PIK3C2B: variants seen among roughly 807,000 people sequenced by gnomAD.
The protein encoded by PIK3C2B is phosphatidylinositol 4-phosphate 3-kinase C2 domain-containing subunit beta.
A neutral mutation model predicts 184.3 loss-of-function variants in PIK3C2B; 83 were observed. The observed-to-expected ratio is 0.45, with a 90% CI of 0.38 to 0.54. PIK3C2B has a LOEUF of 0.54. PIK3C2B is among the 20% of genes least tolerant of loss of function. The probability of loss-of-function intolerance (pLI) is 0.00; values close to 1 mark genes in which losing one functional copy is unlikely to be tolerated. For missense variants in PIK3C2B, 1,736 were observed against 2,113.5 expected, an observed-to-expected ratio of 0.82 and a Z score of 3.50; for synonymous variants, 779 against 837.6, an observed-to-expected ratio of 0.93 and a Z score of 1.21.
Position 204,459,751 on chromosome 1 carries a change from G to A in PIK3C2B, c.1566+127C>T, listed in dbSNP as rs182517443. 138 of 772,930 alleles carry A rather than the reference G, an allele frequency of 1.8e-4. No individual in the cohort carries two copies. In the East Asian group the frequency reaches 1.8e-3, roughly 10 times the overall value. 47.9% of individuals were successfully genotyped at this position (772,930 alleles called of 1,614,324 possible). A position where few individuals can be genotyped will look rare whatever the true frequency, so the allele number is the denominator to read the frequency against. On this transcript the variant is annotated intron_variant, in intron 8 of 32. Coordinates refer to ENST00000684373, the MANE Select transcript of PIK3C2B (RefSeq NM_001377334.1). Reference sequence around the variant, plus strand: ...CCCATGAGCGAGGGGTTAAAAAGAAGTGCTCTGCCAACAGATTTTCAGGCT... The same window carrying A: ...CCCATGAGCGAGGGGTTAAAAAGAAATGCTCTGCCAACAGATTTTCAGGCT...
chr1:204,465,339 G>A lies in PIK3C2B; in HGVS notation c.934-20C>T, dbSNP rs759943166. 9 of 1,512,802 alleles carry A rather than the reference G, an allele frequency of 5.9e-6. No individual in the cohort carries two copies. The highest frequency in any genetic ancestry group is 2.7e-5 in the African/African-American group (2 of 72,924). The allele number at this position is 1,512,802 out of a possible 1,614,324, so 93.7% of individuals were successfully genotyped here. ...GCCCACCTTTAAGAGAAGAGCAGAC[G>A]ACTCAGTGCCTTTTTCCTCGTGGTG... On this transcript the variant is annotated intron_variant, in intron 2 of 32. Coordinates refer to ENST00000684373, the MANE Select transcript of PIK3C2B (RefSeq NM_001377334.1).
At chr1:204,468,799 A>T in intron 2 of PIK3C2B, 71 bp downstream of exon 2, 1 of 1,328,714 alleles carries the variant, frequency 7.5e-7, no homozygotes, top group South Asian at 1.4e-5. Context: ...GATGTAGAAC[A>T]GCAGAGACTA....
At chr1:204,449,437 C>T (rs1247802815) in intron 13 of PIK3C2B, 141 bp from the exon 14 acceptor site, 2 of 665,472 alleles carry the variant, frequency 3.0e-6, no homozygotes. Context: ...GGACCATAGC[C>T]TCTTCCTTCT....
intron 21 of PIK3C2B, 122 bp from the exon 22 acceptor site, chr1:204,440,443 C>G: frequency 2.0e-6 from 2 of 980,552 alleles, no homozygotes; most frequent in Non-Finnish European, 2.9e-6. Context: ...CCTCACACCC[C>G]TGACCTGCTC....
chr1:204,475,588 G>A (rs935318390), intron 1 of PIK3C2B, among the ~76,000 whole-genome samples: 4 of 152,156 alleles, frequency 2.6e-5, no homozygotes, highest in Non-Finnish European at 5.9e-5. Flanking sequence ...AACCAGGTTG[G>A]ATTGGCATCT....
intron 1 of PIK3C2B, among the ~76,000 whole-genome samples, chr1:204,480,779 G>A (rs1259398504): frequency 6.6e-6 from 1 of 151,916 alleles, no homozygotes; most frequent in African/African-American, 2.4e-5. Flanking sequence ...GCCATTCATG[G>A]GAACCGGCTA....
Position 204,440,305 on chromosome 1 carries a change from C to A in PIK3C2B, c.3266G>T (p.Arg1089Leu), listed in dbSNP as rs1377251877. ...CATCTGCAGCGTTAGCATGTCCTGG[C>A]GAAGGTCGTCCCCACACTGGATGGA... ...RVIFKCGDDL[R>L]QDMLTLQMIR... is the part of the protein sequence containing the mutation. Residue 1089 changes from arginine to leucine, a missense_variant, in exon 22 of 33, where the codon CGC becomes CTC. Transcript: ENST00000684373. 1 of 1,599,198 alleles carries A rather than the reference C, an allele frequency of 6.3e-7. No individual in the cohort carries two copies. Among genetic ancestry groups the A allele is most frequent in the Non-Finnish European group, 8.5e-7 (1 of 1,172,086 alleles).
chr1:204,469,769 T>G lies in PIK3C2B; in HGVS notation c.34A>C (p.Lys12Gln), dbSNP rs771752635. The G allele has an allele frequency of 5.0e-6, 8 of 1,613,986 alleles. No individual in the cohort carries two copies. Among genetic ancestry groups the G allele is most frequent in the Non-Finnish European group, 6.8e-6 (8 of 1,179,898 alleles). ...CTGATGCCCACTGACTCCAGGGACT[T>G]CCAGTGTTCCCCATTGCCCTGAGTC... ...SSTQGNGEHWKSLESVGISRK... is the reference protein window; with the variant it reads ...SSTQGNGEHWQSLESVGISRK... The change falls in exon 2 of 33, where the codon AAG becomes CAG. Residue 12 changes from lysine to glutamine, a missense_variant. Transcript: ENST00000684373.
intron 1 of PIK3C2B, among the ~76,000 whole-genome samples, chr1:204,489,654 C>G (rs1480957038): frequency 1.3e-5 from 2 of 152,032 alleles, no homozygotes; most frequent in African/African-American, 4.8e-5. Flanking sequence ...CAATTTCTTT[C>G]ACTCTCTGGG....
chr1:204,491,354 A>T (rs1572414322), intron 1 of PIK3C2B, among the ~76,000 whole-genome samples: 1 of 149,608 alleles, frequency 6.7e-6, no homozygotes, highest in Admixed American at 6.8e-5. Flanking sequence ...ACACCACTGC[A>T]CTCCAGTCTG....
chr1:204,433,450 G>A lies in PIK3C2B; in HGVS notation c.3844-25C>T, dbSNP rs1387890913. ...TCTAGAAGGAGCAGAAAGAAGAAGA[G>A]AGGGTGCCTGTAACAACAGAGAATT... On this transcript the variant is annotated intron_variant, in intron 25 of 32. Coordinates refer to ENST00000684373, the MANE Select transcript of PIK3C2B (RefSeq NM_001377334.1). This position sits in a 1 kb window ranked among gnomAD's most constrained non-coding sequence, Gnocchi z 5.0. 1 of 1,375,366 alleles carries A rather than the reference G, an allele frequency of 7.3e-7. No individual in the cohort carries two copies. Among genetic ancestry groups the A allele is most frequent in the Non-Finnish European group, 1.0e-6 (1 of 964,362 alleles). 85.2% of individuals were successfully genotyped at this position (1,375,366 alleles called of 1,614,324 possible).
chr1:204,439,159 C>G lies in PIK3C2B; in HGVS notation c.3380-88G>C, dbSNP rs1675510902. 32 of 1,359,920 alleles carry G rather than the reference C, an allele frequency of 2.4e-5. No individual in the cohort carries two copies. The South Asian group carries it at 3.9e-4, about 16-fold the overall frequency. The allele number at this position is 1,359,920 out of a possible 1,614,324, so 84.2% of individuals were successfully genotyped here. ...CTACAAGGACTGTGCTCATGCTTCCCTATAAATTAAGCTGTAAGGCATTTG... is the reference window on the plus strand; with the variant it reads ...CTACAAGGACTGTGCTCATGCTTCCGTATAAATTAAGCTGTAAGGCATTTG... On this transcript the variant is annotated intron_variant, in intron 22 of 32. Coordinates refer to ENST00000684373, the MANE Select transcript of PIK3C2B (RefSeq NM_001377334.1).
rs201067896 is a variant in PIK3C2B at position 204,491,304 on chromosome 1, C to T, written c.-85+3052G>A. Among the ~76,000 whole-genome samples, 5 of 152,044 alleles carry T rather than the reference C, an allele frequency of 3.3e-5. No homozygotes were observed. The East Asian group carries it at 7.7e-4, about 24-fold the overall frequency. On this transcript the variant is annotated intron_variant, in intron 1 of 32. Transcript: ENST00000684373. ...CTCGGGAGGCTGAAGCACAAGAATC[C>T]CTTGAACCTGGGAGACGGAGGTTGC...
chr1:204,442,649 G>A lies in PIK3C2B; in HGVS notation c.3049-16C>T. The A allele has an allele frequency of 6.6e-7, 1 of 1,511,150 alleles. No individual in the cohort carries two copies. Among genetic ancestry groups the A allele is most frequent in the Non-Finnish European group, 9.0e-7 (1 of 1,110,102 alleles). The allele number at this position is 1,511,150 out of a possible 1,614,324, so 93.6% of individuals were successfully genotyped here. A position where few individuals can be genotyped will look rare whatever the true frequency, so the allele number is the denominator to read the frequency against. On this transcript the variant is annotated splice_polypyrimidine_tract_variant and intron_variant, in intron 19 of 32. Transcript: ENST00000684373. ...GGAGGATTCCCTGGAAAGAAGGGGA[G>A]GAGTACAGCAGGGGTGAAATGGAGG...
At chr1:204,452,057 A>G (rs1654405946) in intron 12 of PIK3C2B, among the ~76,000 whole-genome samples, 1 of 152,158 alleles carries the variant, frequency 6.6e-6, no homozygotes, top group South Asian at 2.1e-4. Context: ...CTTGACCATG[A>G]AGGGCCAAGA....
Position 204,464,147 on chromosome 1 carries a change from G to A in PIK3C2B, c.1190-15C>T. On this transcript the variant is annotated splice_polypyrimidine_tract_variant and intron_variant, in intron 4 of 32. Coordinates refer to ENST00000684373, the MANE Select transcript of PIK3C2B (RefSeq NM_001377334.1). ...AGTGGAGGAACCTGTGAAGGGTAAG[G>A]TAGGGGGAGCAATCATGATGGATGT... The A allele has an allele frequency of 6.2e-7, 1 of 1,612,952 alleles. No homozygotes were observed. The highest frequency in any genetic ancestry group is 1.1e-5 in the South Asian group (1 of 90,946).
chr1:204,481,802 G>T (rs1484738080), intron 1 of PIK3C2B, among the ~76,000 whole-genome samples: 1 of 152,176 alleles, frequency 6.6e-6, no homozygotes, highest in Non-Finnish European at 1.5e-5. Context: ...CCCCCAGGGT[G>T]GCCGGTCATT....
chr1:204,466,617 GGA>G (rs965111109), intron 2 of PIK3C2B, among the ~76,000 whole-genome samples: 7 of 152,070 alleles, frequency 4.6e-5, no homozygotes, highest in African/African-American at 1.7e-4. Context: ...ACAAGAGAAA[GGA>G]GAGAGAGAGG....
Position 204,474,022 on chromosome 1 carries a change from G to T in PIK3C2B, c.-84-4136C>A, listed in dbSNP as rs185779688. ...TTTTTTTTTTTTGAGATGGAGTTTC[G>T]CTCTTGCTGCCCAAGCTGGAGTGCA... is the stretch of plus-strand genomic sequence containing the variant. On this transcript the variant is annotated intron_variant, in intron 1 of 32. Coordinates refer to ENST00000684373, the MANE Select transcript of PIK3C2B (RefSeq NM_001377334.1). 5.3e-3 allele frequency among the ~76,000 whole-genome samples: 524 copies of T among 99,228 alleles called. 5 individuals carry two copies. Among genetic ancestry groups the T allele is most frequent in the African/African-American group, 0.018 (489 of 27,718 alleles). The allele number at this position is 99,228 out of a possible 152,430, so 65.1% of individuals were successfully genotyped here. A position where few individuals can be genotyped will look rare whatever the true frequency, so the allele number is the denominator to read the frequency against.
Sources: allele counts gnomAD v4.1 joint callset (sites outside exome capture counted in the v4.1 genomes callset), GRCh38; gene constraint gnomAD v4.1.1; non-coding constraint Gnocchi (gnomAD v3.1); transcripts MANE v1.5; gene names NCBI Gene and HGNC (gene_info 2026-07-23, HGNC 2026-07-21).